The following SSX2IP variants were observed in gnomAD, a reference collection of about 807,000 sequenced individuals.
SSX2IP encodes afadin- and alpha-actinin-binding protein.
Under a neutral mutation model 84.9 loss-of-function variants are expected in SSX2IP, and 55 were observed. The observed-to-expected ratio is 0.65, with a 90% CI of 0.52 to 0.81. The LOEUF (loss-of-function observed/expected upper bound fraction) is 0.81. SSX2IP is among the 30% of genes least tolerant of loss of function. The probability of loss-of-function intolerance (pLI) is 0.00; values close to 1 mark genes in which losing one functional copy is unlikely to be tolerated. For missense variants in SSX2IP, 664 were observed against 705.2 expected (o/e 0.94, Z 0.66); for synonymous variants, 239 against 234.7 (o/e 1.02, Z -0.17).
rs917762270 is a variant in SSX2IP at position 84,670,932 on chromosome 1, T to C, written c.44-117A>G. The stretch of plus-strand genomic sequence containing the variant: ...TATACATATAAACATAGATATAATA[T>C]ATACATACATATTTTAAGGTATTTT... On this transcript the variant is annotated intron_variant, in intron 2 of 13. Transcript: ENST00000342203. 17 of 790,676 alleles carry C rather than the reference T, an allele frequency of 2.2e-5. No individual in the cohort carries two copies. In the East Asian group the frequency reaches 3.4e-4, roughly 16 times the overall value. The allele number at this position is 790,676 out of a possible 1,614,324, so 49.0% of individuals were successfully genotyped here.
At chr1:84,681,464 T>C (rs181619098) in intron 1 of SSX2IP, among the ~76,000 whole-genome samples, 45 of 152,306 alleles carry the variant, frequency 3.0e-4, no homozygotes, top group Non-Finnish European at 4.7e-4. Context: ...ACTACCTATA[T>C]ATATTTAGGG....
At chr1:84,655,454 A>G in intron 11 of SSX2IP, 1 of 1,293,992 alleles carries the variant, frequency 7.7e-7, no homozygotes, top group Non-Finnish European at 1.0e-6. Flanking sequence ...TTAATTTTTT[A>G]TTATACTTCC....
chr1:84,655,617 T>G (rs1650963707), intron 11 of SSX2IP: 3 of 1,337,092 alleles, frequency 2.2e-6, no homozygotes, highest in Non-Finnish European at 3.0e-6. Flanking sequence ...GCTTATAGCG[T>G]TTTTTTTTCT....
In SSX2IP at chr1:84,647,754, A is replaced by AC. The variant is rs1570541443; in HGVS notation, c.1671-148_1671-147insG. The stretch of plus-strand genomic sequence containing the variant: ...AATATAATTTAAAATTTTACTTGGA[A>AC]AAAAAAAACGGCTGGGAGCAGTAGC... On this transcript the variant is annotated intron_variant, in intron 13 of 13. Transcript: ENST00000342203. The AC allele has an allele frequency of 1.1e-5, 7 of 613,290 alleles. No homozygotes were observed. In the South Asian group the frequency reaches 3.0e-4, roughly 26 times the overall value. 38.0% of individuals were successfully genotyped at this position (613,290 alleles called of 1,614,324 possible).
Position 84,645,678 on chromosome 1 carries a change from T to G in SSX2IP, c.*1755A>C, listed in dbSNP as rs776104266. The stretch of plus-strand genomic sequence containing the variant: ...ATTAACTGTATTTAAAATTTCTGAT[T>G]GCCTTTTTGACCATGTTATTGCTAA... On this transcript the variant is annotated 3_prime_UTR_variant, in exon 14 of 14. Coordinates refer to ENST00000342203, the MANE Select transcript of SSX2IP (RefSeq NM_001166293.2). 3 of 152,232 alleles carry G rather than the reference T, an allele frequency of 2.0e-5. No individual in the cohort carries two copies. The highest frequency in any genetic ancestry group is 4.4e-5 in the Non-Finnish European group (3 of 68,044). The allele number at this position is 152,232 out of a possible 1,614,324, so 9.4% of individuals were successfully genotyped here.
intron 5 of SSX2IP, among the ~76,000 whole-genome samples, chr1:84,665,127 C>T (rs1340716686): frequency 6.6e-6 from 1 of 152,182 alleles, no homozygotes; most frequent in East Asian, 1.9e-4. Flanking sequence ...CAGGCAACTC[C>T]TGACAGAGTA....
chr1:84,671,204 T>G lies in SSX2IP; in HGVS notation c.16A>C (p.Thr6Pro), dbSNP rs750220789. 1.2e-6 allele frequency: 2 copies of G among 1,611,680 alleles called. No homozygotes were observed. Among genetic ancestry groups the G allele is most frequent in the Non-Finnish European group, 1.7e-6 (2 of 1,178,768 alleles). The change falls in exon 2 of 14, where the codon ACT (threonine) becomes CCT (proline). Residue 6 changes from threonine (T) to proline (P), a missense_variant. Physicochemically the swap from Thr to Pro is conservative, Grantham distance 38. Coordinates refer to ENST00000342203, the MANE Select transcript of SSX2IP (RefSeq NM_001166293.2). MGDWMTVTDPGLSSES... is the reference protein window; with the variant it reads MGDWMPVTDPGLSSES... ...GAAGACAGACCTGGATCTGTAACAGTCATCCAATCTCCCATAGCAATCTCT... is the reference window on the plus strand; with the variant it reads ...GAAGACAGACCTGGATCTGTAACAGGCATCCAATCTCCCATAGCAATCTCT...
At chr1:84,681,905 TATC>T (rs1416927731) in intron 1 of SSX2IP, among the ~76,000 whole-genome samples, 1 of 152,212 alleles carries the variant, frequency 6.6e-6, no homozygotes, top group African/African-American at 2.4e-5. Context: ...TTTCCCCAAC[TATC>T]ATCAAGGGCA....
At chr1:84,661,790 A>G (rs534113535) in intron 8 of SSX2IP, among the ~76,000 whole-genome samples, 1 of 152,336 alleles carries the variant, frequency 6.6e-6, no homozygotes, top group East Asian at 1.9e-4. Flanking sequence ...ACTTGGATTC[A>G]AATCCTAGCA....
intron 4 of SSX2IP, 31 bp from the exon 5 acceptor site, chr1:84,666,263 A>C: frequency 1.3e-6 from 2 of 1,520,140 alleles, no homozygotes; most frequent in Non-Finnish European, 1.8e-6. Flanking sequence ...TTTGCTTAAA[A>C]TTAATAAAGG....
At chr1:84,685,313 A>G (rs1214356037) in intron 1 of SSX2IP, among the ~76,000 whole-genome samples, 1 of 152,230 alleles carries the variant, frequency 6.6e-6, no homozygotes, top group Non-Finnish European at 1.5e-5. Context: ...AATTTGGGCT[A>G]GAGTTTCAGA....
intron 1 of SSX2IP, among the ~76,000 whole-genome samples, chr1:84,676,717 TCC>T (rs373885692): frequency 2.1e-4 from 23 of 110,274 alleles, no homozygotes; most frequent in Non-Finnish European, 3.2e-4. Flanking sequence ...TGTGCTCTTT[TCC>T]TTTTTTTTTT....
chr1:84,655,859 T>C lies in SSX2IP; in HGVS notation c.1362A>G (p.Thr454=). The change falls in exon 11 of 14, where the codon ACA becomes ACG. Residue 454 remains threonine, a synonymous_variant. Transcript: ENST00000342203. ...CCAATCCCAGGCGAATAGCGGCTTC[T>C]GTAAAGCTTCGTCTCTCCCTCTCAA... The part of the protein sequence containing the change: ...KNFERERRSF[T]EAAIRLGLER... 6.2e-7 allele frequency: 1 copy of C among 1,613,902 alleles called. No individual in the cohort carries two copies.
At chr1:84,685,939 C>T (rs571313047) in intron 1 of SSX2IP, among the ~76,000 whole-genome samples, 1 of 152,292 alleles carries the variant, frequency 6.6e-6, no homozygotes, top group African/African-American at 2.4e-5. Flanking sequence ...TAGGCAGTGG[C>T]TGGAACCCAT....
At chr1:84,689,822 G>A (rs1370133400) in intron 1 of SSX2IP, among the ~76,000 whole-genome samples, 1 of 152,208 alleles carries the variant, frequency 6.6e-6, no homozygotes, top group East Asian at 1.9e-4. Context: ...CTGCCTCTTG[G>A]ATGATGTAAA....
chr1:84,671,025 G>T, intron 2 of SSX2IP, 152 bp downstream of exon 2: 1 of 996,270 alleles, frequency 1.0e-6, no homozygotes, highest in East Asian at 2.7e-5. Flanking sequence ...AAATACAGTG[G>T]TGTTCTCAGT....
chr1:84,654,795 G>A (rs983028519), intron 11 of SSX2IP, among the ~76,000 whole-genome samples: 6 of 152,024 alleles, frequency 3.9e-5, no homozygotes, highest in African/African-American at 1.2e-4. Context: ...TAAGTCTCAA[G>A]TTTAGACAAA....
intron 11 of SSX2IP, chr1:84,652,217 G>A: frequency 2.3e-6 from 1 of 441,234 alleles, no homozygotes; most frequent in Non-Finnish European, 4.2e-6. Context: ...GAACTGAGGA[G>A]TTCCAAACCA....
At chr1:84,670,500 T>A (rs1653415610) in intron 3 of SSX2IP, 146 bp downstream of exon 3, 1 of 529,730 alleles carries the variant, frequency 1.9e-6, no homozygotes, top group Admixed American at 3.6e-5. Context: ...CTAGATGAGA[T>A]AATCACCAAG....
Sources: gnomAD v4.1 joint callset for allele counts (sites outside exome capture counted in the v4.1 genomes callset) on GRCh38, gnomAD v4.1.1 for gene constraint, MANE v1.5 for transcripts, NCBI Gene and HGNC (gene_info 2026-07-23, HGNC 2026-07-21) for gene names.